Variants in GRK7 observed in about 807,000 individuals in gnomAD.
The protein encoded by GRK7 is rhodopsin kinase GRK7.
A neutral mutation model predicts 34.1 loss-of-function variants in GRK7; 24 were observed. The observed-to-expected ratio is 0.70, with a 90% confidence interval of 0.51 to 0.99. The LOEUF is 0.99. GRK7 is among the 50% of genes least tolerant of loss of function. The pLI is 0.00. For synonymous variants in GRK7, 256 were observed against 279.4 expected (o/e 0.92, Z 0.84); for missense variants, 644 against 707.3 (o/e 0.91, Z 1.02).
At chr3:141,796,679 T>C (rs1162117237) in intron 4 of GRK7, among the ~76,000 whole-genome samples, 1 of 152,202 alleles carries the variant, frequency 6.6e-6, no homozygotes, top group Non-Finnish European at 1.5e-5. Flanking sequence ...GGTTTTCTTC[T>C]GAGCATCTTA....
chr3:141,770,451 C>T (rs1173959696), intron 1 of GRK7, among the ~76,000 whole-genome samples: 1 of 151,932 alleles, frequency 6.6e-6, no homozygotes, highest in African/African-American at 2.4e-5. Flanking sequence ...TACACCTGGC[C>T]AACAAGGTAT....
chr3:141,789,656 C>CAAAAAAAAAAAAAAAAAAAA lies in GRK7; in HGVS notation c.1050+8859_1050+8860insAAAAAAAAAAAAAAAAAAAA, dbSNP rs60765509. On this transcript the variant is annotated intron_variant, in intron 4 of 5. Coordinates refer to ENST00000682958, the MANE Select transcript of GRK7 (RefSeq NM_139209.3). The stretch of plus-strand genomic sequence containing the variant: ...AGATGGGGACTGGATGCCAAATGGG[C>CAAAAAAAAAAAAAAAAAAAA]AAAAAAAAAAAAAACACAAAACAGT... Among the ~76,000 whole-genome samples, 77 of 119,186 alleles carry CAAAAAAAAAAAAAAAAAAAA rather than the reference C, an allele frequency of 6.5e-4. 1 individual carries two copies. The highest frequency in any genetic ancestry group is 1.9e-3 in the African/African-American group (54 of 28,668). 78.2% of individuals were successfully genotyped at this position (119,186 alleles called of 152,430 possible).
chr3:141,785,607 T>C (rs768574588), intron 4 of GRK7, among the ~76,000 whole-genome samples: 1 of 152,044 alleles, frequency 6.6e-6, no homozygotes, highest in South Asian at 2.1e-4. Flanking sequence ...CTACTAAAAA[T>C]ACAAAAATTA....
intron 1 of GRK7, among the ~76,000 whole-genome samples, chr3:141,766,960 C>T (rs562410829): frequency 1.3e-5 from 2 of 152,226 alleles, no homozygotes; most frequent in Admixed American, 1.3e-4. Flanking sequence ...TTCATTTTCT[C>T]TCTTAGCTAC....
chr3:141,817,236 G>C lies in GRK7; in HGVS notation c.*186G>C. 1 of 505,964 alleles carries C rather than the reference G, an allele frequency of 2.0e-6. No individual in the cohort carries two copies. The allele number at this position is 505,964 out of a possible 1,614,324, so 31.3% of individuals were successfully genotyped here. On this transcript the variant is annotated 3_prime_UTR_variant, in exon 6 of 6. Coordinates refer to ENST00000682958, the MANE Select transcript of GRK7 (RefSeq NM_139209.3). ...TATTTTCTTTTTCTTTCTTCATAAA[G>C]ATGAGTAAAGTCTCAGTTTTCACTG...
intron 4 of GRK7, among the ~76,000 whole-genome samples, chr3:141,789,095 G>GT (rs1402496918): frequency 6.6e-6 from 1 of 152,170 alleles, no homozygotes; most frequent in Admixed American, 6.5e-5. Flanking sequence ...GATTGCAGGT[G>GT]TGAGCCACTG....
At chr3:141,769,720 AC>A (rs1025889771) in intron 1 of GRK7, among the ~76,000 whole-genome samples, 5 of 152,074 alleles carry the variant, frequency 3.3e-5, no homozygotes, top group Non-Finnish European at 7.4e-5. Flanking sequence ...GAGGAAAGAC[AC>A]CAGGGCATCT....
chr3:141,814,545 AG>A (rs1275511923), intron 5 of GRK7, among the ~76,000 whole-genome samples: 6 of 152,242 alleles, frequency 3.9e-5, no homozygotes, highest in Non-Finnish European at 8.8e-5. Flanking sequence ...GTTGCTGCAA[AG>A]AACATGATTT....
chr3:141,802,365 G>GCCACACACACACACACAC, intron 4 of GRK7, among the ~76,000 whole-genome samples: 1 of 34,210 alleles, frequency 2.9e-5, no homozygotes, highest in East Asian at 8.6e-4. Flanking sequence ...CTCTTTCTCT[G>GCCACACACACACACACAC]TCACACACAC....
Position 141,807,348 on chromosome 3 carries a change from A to G in GRK7, c.1051-297A>G, listed in dbSNP as rs114499822. On this transcript the variant is annotated intron_variant, in intron 4 of 5. Coordinates refer to ENST00000682958, the MANE Select transcript of GRK7 (RefSeq NM_139209.3). ...ATGAGGTGATGAGCCTAAGAGAGGT[A>G]ACAGATTTTCCCACATCAGGAGCAG... Among the ~76,000 whole-genome samples the G allele has an allele frequency of 5.0e-3, 758 of 152,296 alleles. 10 individuals are homozygous for G. The highest frequency in any genetic ancestry group is 0.018 in the African/African-American group (728 of 41,560).
chr3:141,800,345 A>G (rs1334740400), intron 4 of GRK7, among the ~76,000 whole-genome samples: 1 of 148,532 alleles, frequency 6.7e-6, no homozygotes, highest in Non-Finnish European at 1.5e-5. Flanking sequence ...TCACTCTTAA[A>G]TATGAATGAC....
the GRK7 span, among the ~76,000 whole-genome samples, chr3:141,750,611 A>T: frequency 3.9e-4 from 59 of 152,282 alleles, no homozygotes; most frequent in African/African-American, 1.3e-3. Context: ...ATCACTACTG[A>T]TGCTGGTAAT....
rs1238115456 is a variant in GRK7 at position 141,764,465 on chromosome 3, C to T, written c.-1488C>T. On this transcript the variant is annotated 5_prime_UTR_variant, in exon 1 of 6. Transcript: ENST00000682958. The stretch of plus-strand genomic sequence containing the variant: ...AGTCCTTATCCCACTGACCTCTCAG[C>T]AGCATTTGCCGTAGTAATCACTGTT... Among the ~76,000 whole-genome samples, 4 of 152,180 alleles carry T rather than the reference C, an allele frequency of 2.6e-5. No homozygotes were observed. Among genetic ancestry groups the T allele is most frequent in the African/African-American group, 7.2e-5 (3 of 41,448 alleles).
chr3:141,803,820 C>G (rs1710996398), intron 4 of GRK7, among the ~76,000 whole-genome samples: 1 of 152,196 alleles, frequency 6.6e-6, no homozygotes, highest in Non-Finnish European at 1.5e-5. Flanking sequence ...CTCCCAGGTT[C>G]AAGCGATTCT....
chr3:141,786,091 T>C (rs2084694996), intron 4 of GRK7, among the ~76,000 whole-genome samples: 1 of 152,048 alleles, frequency 6.6e-6, no homozygotes, highest in Non-Finnish European at 1.5e-5. Context: ...GCCAGGACCA[T>C]GTCATATGTT....
At chr3:141,798,097 G>A (rs1446670830) in intron 4 of GRK7, among the ~76,000 whole-genome samples, 3 of 152,174 alleles carry the variant, frequency 2.0e-5, no homozygotes. Flanking sequence ...CAATGGAAGA[G>A]GCCAGCACCC....
intron 1 of GRK7, among the ~76,000 whole-genome samples, chr3:141,770,147 T>C (rs749415765): frequency 1.3e-5 from 2 of 152,218 alleles, no homozygotes; most frequent in Non-Finnish European, 2.9e-5. Context: ...GTGATCTGCC[T>C]GCCTTGGCCT....
chr3:141,776,967 CAATT>C (rs2084642684), intron 2 of GRK7, among the ~76,000 whole-genome samples: 3 of 152,140 alleles, frequency 2.0e-5, no homozygotes, highest in Admixed American at 1.3e-4. Context: ...CTGTCTAGAT[CAATT>C]TCTGTCTTGA....
chr3:141,791,263 G>A (rs1367858003), intron 4 of GRK7, among the ~76,000 whole-genome samples: 1 of 152,176 alleles, frequency 6.6e-6, no homozygotes, highest in Non-Finnish European at 1.5e-5. Context: ...CAATGCTAGA[G>A]ACATACTGGA....
Sources: allele counts gnomAD v4.1 joint callset (sites outside exome capture counted in the v4.1 genomes callset), GRCh38; gene constraint gnomAD v4.1.1; transcripts MANE v1.5; gene names NCBI Gene and HGNC (gene_info 2026-07-23, HGNC 2026-07-21).